Variants in ITGAV observed in about 807,000 individuals in gnomAD.
The protein encoded by ITGAV is integrin subunit alpha V.
Under a neutral mutation model 143.8 loss-of-function variants are expected in ITGAV, and 76 were observed. The ratio of observed to expected loss-of-function variants is 0.53; its 90% CI spans 0.44 to 0.64. The LOEUF (loss-of-function observed/expected upper bound fraction) is 0.64. Among genes scored for constraint, ITGAV ranks in the 30% least tolerant of loss-of-function variants. ITGAV has a pLI of 0.00. For synonymous variants in ITGAV, 453 were observed against 446.7 expected, an observed-to-expected ratio of 1.01 and a Z score of -0.18; for missense variants, 1,193 against 1,274.7, an observed-to-expected ratio of 0.94 and a Z score of 0.98.
chr2:186,674,554 G>A (rs1050358425), intron 26 of ITGAV, among the ~76,000 whole-genome samples: 4 of 151,288 alleles, frequency 2.6e-5, no homozygotes, highest in African/African-American at 9.7e-5. Flanking sequence ...CTCTGTCACC[G>A]AGGCTGGAGT....
chr2:186,591,560 G>T (rs1686617047), intron 1 of ITGAV, among the ~76,000 whole-genome samples: 1 of 152,130 alleles, frequency 6.6e-6, no homozygotes, highest in Non-Finnish European at 1.5e-5. Context: ...TCCCTTCGGG[G>T]TGAAGTGGAG....
intron 12 of ITGAV, among the ~76,000 whole-genome samples, chr2:186,642,711 G>A (rs1688143875): frequency 6.8e-6 from 1 of 148,010 alleles, no homozygotes; most frequent in South Asian, 2.2e-4. Flanking sequence ...ATTTTTTTTA[G>A]TAGAGCTGAG....
chr2:186,667,027 T>C (rs1361382553), intron 22 of ITGAV, 123 bp from the exon 23 acceptor site: 13 of 589,312 alleles, frequency 2.2e-5, no homozygotes, highest in African/African-American at 3.8e-5. Flanking sequence ...TGAAAATAAC[T>C]ATTTTGAGGT....
At chr2:186,635,984 A>G (rs1574481268) in intron 6 of ITGAV, 98 bp from the exon 7 acceptor site, 1 of 939,584 alleles carries the variant, frequency 1.1e-6, no homozygotes, top group Non-Finnish European at 1.6e-6. Context: ...AAGTACTAAT[A>G]TCTAATATTG....
intron 18 of ITGAV, among the ~76,000 whole-genome samples, chr2:186,662,051 T>C (rs1559065214): frequency 6.6e-6 from 1 of 152,184 alleles, no homozygotes; most frequent in African/African-American, 2.4e-5. Flanking sequence ...GCCAGCTAAG[T>C]CCTTTTTTTC....
intron 18 of ITGAV, 26 bp downstream of exon 18, chr2:186,659,201 G>A (rs1293105921): frequency 7.1e-7 from 1 of 1,404,706 alleles, no homozygotes. Flanking sequence ...TACCACTAAT[G>A]TGATATTTTG....
At chr2:186,660,565 C>G (rs1688717971) in intron 18 of ITGAV, 1 of 152,180 alleles carries the variant, frequency 6.6e-6, no homozygotes, top group South Asian at 2.1e-4. Flanking sequence ...CAAACTCTTC[C>G]ATGCACTCTC....
chr2:186,665,239 G>A lies in ITGAV; in HGVS notation c.2166+21G>A, dbSNP rs780451884. On this transcript the variant is annotated intron_variant, in intron 21 of 29. Coordinates refer to ENST00000261023, the MANE Select transcript of ITGAV (RefSeq NM_002210.5). ...CTCAAGTAAGACAATTTAATTAAACGGATTTTTCTCCCTGGCAAATAGAAA... is the reference window on the plus strand; with the variant it reads ...CTCAAGTAAGACAATTTAATTAAACAGATTTTTCTCCCTGGCAAATAGAAA... 9.5e-6 allele frequency: 14 copies of A among 1,467,528 alleles called. No homozygotes were observed. The Admixed American group carries it at 1.4e-4, about 14-fold the overall frequency. 90.9% of individuals were successfully genotyped at this position (1,467,528 alleles called of 1,614,324 possible). A position where few individuals can be genotyped will look rare whatever the true frequency, so the allele number is the denominator to read the frequency against.
At chr2:186,636,946 C>G in intron 7 of ITGAV, 119 bp from the exon 8 acceptor site, 1 of 788,602 alleles carries the variant, frequency 1.3e-6, no homozygotes, top group Non-Finnish European at 2.2e-6. Context: ...GACTAGGGGA[C>G]AAAATATTGC....
intron 2 of ITGAV, among the ~76,000 whole-genome samples, chr2:186,612,918 A>G (rs1160104476): frequency 6.6e-6 from 1 of 152,206 alleles, no homozygotes; most frequent in Non-Finnish European, 1.5e-5. Context: ...CTCCTGATAT[A>G]ATCTGTTATC....
Position 186,590,238 on chromosome 2 carries a change from T to G in ITGAV, c.-101T>G. 9.4e-7 allele frequency: 1 copy of G among 1,061,108 alleles called. No individual in the cohort carries two copies. The highest frequency in any genetic ancestry group is 1.2e-6 in the Non-Finnish European group (1 of 800,764). The allele number at this position is 1,061,108 out of a possible 1,614,324, so 65.7% of individuals were successfully genotyped here. On this transcript the variant is annotated 5_prime_UTR_variant, in exon 1 of 30. Transcript: ENST00000261023. ...GCCGAGAAGAGAGCGGCCGGCAAGT[T>G]TGGGCGCGCGCAGGCGGCGGGCCGC...
At chr2:186,598,294 TACACACACACACACAC>T (rs56789925) in intron 1 of ITGAV, among the ~76,000 whole-genome samples, 4 of 147,968 alleles carry the variant, frequency 2.7e-5, no homozygotes, top group South Asian at 2.2e-4. Flanking sequence ...TTATAATTTA[TACACACACACACACAC>T]ACACACACAC....
Position 186,666,699 on chromosome 2 carries a change from T to C in ITGAV, c.2167-5T>C, listed in dbSNP as rs749552292. 6 of 1,526,812 alleles carry C rather than the reference T, an allele frequency of 3.9e-6. No homozygotes were observed. The highest frequency in any genetic ancestry group is 3.5e-6 in the Non-Finnish European group (4 of 1,137,498). The allele number at this position is 1,526,812 out of a possible 1,614,324, so 94.6% of individuals were successfully genotyped here. On this transcript the variant is annotated splice_polypyrimidine_tract_variant and splice_region_variant and intron_variant, in intron 21 of 29. Transcript: ENST00000261023. ...AGCATTACTATCTTTTCCTCTCTCC[T>C]TTAGCTCTTAGCTGGTCTTCGTTTC... is the stretch of plus-strand genomic sequence containing the variant.
chr2:186,598,157 A>T (rs901091177), intron 1 of ITGAV, among the ~76,000 whole-genome samples: 2 of 152,108 alleles, frequency 1.3e-5, no homozygotes, highest in Admixed American at 1.3e-4. Context: ...AACTTACCTG[A>T]ACTGTTCTTT....
chr2:186,619,822 C>T (rs528264300), intron 2 of ITGAV, among the ~76,000 whole-genome samples: 2 of 152,206 alleles, frequency 1.3e-5, no homozygotes, highest in Admixed American at 6.5e-5. Flanking sequence ...GAAACCCTGT[C>T]TCTACTGAAA....
chr2:186,634,968 G>T (rs1303525194), intron 6 of ITGAV, among the ~76,000 whole-genome samples: 1 of 152,002 alleles, frequency 6.6e-6, no homozygotes, highest in Non-Finnish European at 1.5e-5. Flanking sequence ...CTTTTTAAGA[G>T]ATACAGCTGT....
rs1553501196 is a variant in ITGAV at position 186,625,669 on chromosome 2, G to GTGTGTA, written c.523+87_523+88insATGTGT. On this transcript the variant is annotated intron_variant, in intron 4 of 29. Transcript: ENST00000261023. ...TAAAAATATGTGTGTGTGGGTGTGT[G>GTGTGTA]TGTGTGTGTGAGAGAGAGAGATATT... 684 of 593,384 alleles carry GTGTGTA rather than the reference G, an allele frequency of 1.2e-3. 3 individuals are homozygous for GTGTGTA. The African/African-American group carries it at 0.013, about 11-fold the overall frequency. The allele number at this position is 593,384 out of a possible 1,614,324, so 36.8% of individuals were successfully genotyped here.
chr2:186,617,483 T>C (rs907258230), intron 2 of ITGAV, among the ~76,000 whole-genome samples: 1 of 152,196 alleles, frequency 6.6e-6, no homozygotes, highest in Admixed American at 6.5e-5. Flanking sequence ...TTTGATAAAA[T>C]GCAAATGACA....
At chr2:186,633,454 T>G (rs1441630581) in intron 6 of ITGAV, 80 bp downstream of exon 6, 1 of 716,802 alleles carries the variant, frequency 1.4e-6, no homozygotes, top group Non-Finnish European at 2.4e-6. Context: ...TATGACATTT[T>G]ACAAATTATT....
Sources: allele counts gnomAD v4.1 joint callset (sites outside exome capture counted in the v4.1 genomes callset), GRCh38; gene constraint gnomAD v4.1.1; transcripts MANE v1.5; gene names NCBI Gene and HGNC (gene_info 2026-07-23, HGNC 2026-07-21).